The following PMM2 variants were observed in gnomAD, a reference collection of about 807,000 sequenced individuals.
PMM2 encodes phosphomannomutase 2.
A neutral mutation model predicts 33.2 loss-of-function variants in PMM2; 35 were observed. That is an observed-to-expected ratio of 1.06 (90% CI 0.81 to 1.40). The LOEUF is 1.40. Among genes scored for constraint, PMM2 ranks in the 40% most tolerant of loss-of-function variants. PMM2 has a pLI of 0.00. For synonymous variants in PMM2, 153 were observed against 114.7 expected (o/e 1.33, Z -2.13); for missense variants, 386 against 306.0 (o/e 1.26, Z -1.95).
chr16:8,808,306 GAT>G (rs959572628), intron 4 of PMM2: 1 of 151,314 alleles, frequency 6.6e-6, no homozygotes, highest in Non-Finnish European at 1.5e-5. Context: ...ATGGCGAAAA[GAT>G]AAAATATACA....
At chr16:8,827,243 CAT>C (rs1385150852) in intron 7 of PMM2, among the ~76,000 whole-genome samples, 5 of 151,680 alleles carry the variant, frequency 3.3e-5, no homozygotes, top group African/African-American at 9.7e-5. Flanking sequence ...TAGGTCCTCT[CAT>C]GTGGGCATTC....
chr16:8,804,935 C>A, intron 3 of PMM2, 92 bp downstream of exon 3: 1 of 807,058 alleles, frequency 1.2e-6, no homozygotes, highest in Non-Finnish European at 2.2e-6. Context: ...AGATGAGGAA[C>A]GGGTAGAAAT....
At chr16:8,841,052 C>G (rs774784165) in intron 7 of PMM2, among the ~76,000 whole-genome samples, 1 of 152,036 alleles carries the variant, frequency 6.6e-6, no homozygotes, top group East Asian at 1.9e-4. Context: ...AGAACAGGCT[C>G]TAATTCTGAG....
intron 7 of PMM2, among the ~76,000 whole-genome samples, chr16:8,836,016 A>C (rs899644602): frequency 4.9e-5 from 1 of 20,556 alleles, no homozygotes; most frequent in Admixed American, 1.9e-4. Flanking sequence ...GCAGGTGGGG[A>C]TAACTGAAAA....
intron 7 of PMM2, among the ~76,000 whole-genome samples, chr16:8,847,349 T>C (rs1009254652): frequency 7.6e-5 from 11 of 144,428 alleles, no homozygotes; most frequent in Non-Finnish European, 1.5e-4. Context: ...CGCTCCCTTG[T>C]GACTTGTTAG....
chr16:8,819,805 T>C (rs550709789), intron 7 of PMM2, among the ~76,000 whole-genome samples: 10 of 152,174 alleles, frequency 6.6e-5, no homozygotes, highest in South Asian at 2.1e-4. Context: ...TGGACACTTA[T>C]GTTGTACATG....
chr16:8,813,177 T>C, intron 7 of PMM2, 71 bp downstream of exon 7: 1 of 962,726 alleles, frequency 1.0e-6, no homozygotes. Context: ...ACAACTGGGC[T>C]GTTTTTCCTG....
At chr16:8,816,103 C>A (rs2060706757) in intron 7 of PMM2, among the ~76,000 whole-genome samples, 1 of 152,094 alleles carries the variant, frequency 6.6e-6, no homozygotes, top group Non-Finnish European at 1.5e-5. Flanking sequence ...ATGAGATAAA[C>A]CTCACACCTG....
intron 2 of PMM2, among the ~76,000 whole-genome samples, chr16:8,803,790 T>C (rs2060628894): frequency 6.6e-6 from 1 of 151,870 alleles, no homozygotes; most frequent in African/African-American, 2.4e-5. Context: ...TTCAAGTGAT[T>C]CGTGTGCCTC....
intron 7 of PMM2, among the ~76,000 whole-genome samples, chr16:8,837,913 C>T (rs1011568108): frequency 6.6e-6 from 1 of 152,064 alleles, no homozygotes; most frequent in African/African-American, 2.4e-5. Flanking sequence ...TAAAATGTGT[C>T]TCCTTTGTCT....
rs146946867 is a variant in PMM2, at chr16:8,798,291, G to A, written c.66+343G>A. Among the ~76,000 whole-genome samples, 578 of 152,260 alleles carry A rather than the reference G, an allele frequency of 3.8e-3. 1 individual carries two copies. The highest frequency in any genetic ancestry group is 0.01 in the Middle Eastern group (3 of 294). ...AGGCCCCCTTATCAGCTATGTGTCG[G>A]CCCCAATCCTGTAACCAATGGGCTG... On this transcript the variant is annotated intron_variant, in intron 1 of 7. Coordinates refer to ENST00000268261, the MANE Select transcript of PMM2 (RefSeq NM_000303.3).
chr16:8,841,367 C>G (rs565895509), intron 7 of PMM2, among the ~76,000 whole-genome samples: 1 of 151,098 alleles, frequency 6.6e-6, no homozygotes. Context: ...CTCTACTTAT[C>G]TAGTGAAAGT....
chr16:8,847,377 T>TGAA, intron 7 of PMM2, among the ~76,000 whole-genome samples: 1 of 140,844 alleles, frequency 7.1e-6, no homozygotes, highest in East Asian at 2.1e-4. Flanking sequence ...TAGGTACAGC[T>TGAA]AAAAAAAAAA....
Position 8,813,196 on chromosome 16 carries a change from C to T in PMM2, c.639+90C>T, listed in dbSNP as rs2060687713. 7 of 848,578 alleles carry T rather than the reference C, an allele frequency of 8.2e-6. No homozygotes were observed. The African/African-American group carries it at 1.0e-4, about 12-fold the overall frequency. The allele number at this position is 848,578 out of a possible 1,614,324, so 52.6% of individuals were successfully genotyped here. On this transcript the variant is annotated intron_variant, in intron 7 of 7. Transcript: ENST00000268261. Reference sequence around the variant, plus strand: ...CTGGGCTGTTTTTCCTGTACCTACACTTTACCCACCCGCCCTGCTCAAACT... The same window carrying T: ...CTGGGCTGTTTTTCCTGTACCTACATTTTACCCACCCGCCCTGCTCAAACT...
At chr16:8,819,639 G>A (rs372548399) in intron 7 of PMM2, among the ~76,000 whole-genome samples, 1 of 150,984 alleles carries the variant, frequency 6.6e-6, no homozygotes, top group South Asian at 2.1e-4. Context: ...AGATTATAGT[G>A]AGCCACGATT....
At chr16:8,844,733 A>T (rs1364592552) in intron 7 of PMM2, among the ~76,000 whole-genome samples, 3 of 152,224 alleles carry the variant, frequency 2.0e-5, no homozygotes, top group African/African-American at 7.2e-5. Context: ...TTGGGTCCAC[A>T]GATAAAACGT....
chr16:8,799,181 G>T (rs1302663511), intron 1 of PMM2, among the ~76,000 whole-genome samples: 1 of 152,106 alleles, frequency 6.6e-6, no homozygotes, highest in Non-Finnish European at 1.5e-5. Flanking sequence ...AATAAGAGTG[G>T]CTGTGTACCA....
chr16:8,798,001 C>G (rs1284669547), intron 1 of PMM2, 53 bp downstream of exon 1: 4 of 1,533,932 alleles, frequency 2.6e-6, no homozygotes, highest in African/African-American at 2.7e-5. Flanking sequence ...CGTGCTGTTC[C>G]CAGTTGGGGC....
intron 7 of PMM2, among the ~76,000 whole-genome samples, chr16:8,820,460 C>A (rs149097246): frequency 0.045 from 6,849 of 151,384 alleles, 228 homozygotes; most frequent in Middle Eastern, 0.13. Context: ...CTCAAGTGAT[C>A]CTCCCACTTC....
Sources: allele counts gnomAD v4.1 joint callset (sites outside exome capture counted in the v4.1 genomes callset), GRCh38; gene constraint gnomAD v4.1.1; transcripts MANE v1.5; gene names NCBI Gene and HGNC (gene_info 2026-07-23, HGNC 2026-07-21).